The following ZBTB8B variants were observed in gnomAD, a reference collection of about 807,000 sequenced individuals.
ZBTB8B encodes zinc finger and BTB domain containing 8B.
A neutral mutation model predicts 30.3 loss-of-function variants in ZBTB8B; 17 were observed. The observed-to-expected ratio is 0.56, with a 90% CI of 0.38 to 0.84. The LOEUF (loss-of-function observed/expected upper bound fraction) is 0.84, where lower values mean the gene tolerates loss of function less well. Ranked by LOEUF, ZBTB8B falls within the 40% of genes least tolerant of loss-of-function variation. The probability of loss-of-function intolerance (pLI) is 0.00; values close to 1 mark genes in which losing one functional copy is unlikely to be tolerated. For missense variants in ZBTB8B, 515 were observed against 644.9 expected, an observed-to-expected ratio of 0.80 and a Z score of 2.18; for synonymous variants, 248 against 255.6, an observed-to-expected ratio of 0.97 and a Z score of 0.28.
rs1055684266 is a variant in ZBTB8B at position 32,487,976 on chromosome 1, G to A, written c.*2558G>A. 3.3e-5 allele frequency: 5 copies of A among 152,110 alleles called. No homozygotes were observed. The highest frequency in any genetic ancestry group is 5.9e-5 in the Non-Finnish European group (4 of 68,030). The allele number at this position is 152,110 out of a possible 1,614,324, so 9.4% of individuals were successfully genotyped here. A position where few individuals can be genotyped will look rare whatever the true frequency, so the allele number is the denominator to read the frequency against. Reference sequence around the variant, plus strand: ...GCTGTGGCCAGGCGCAGTGGCTCACGCCTGTAATCCCAACACTTTGGGAGG... The same window carrying A: ...GCTGTGGCCAGGCGCAGTGGCTCACACCTGTAATCCCAACACTTTGGGAGG... On this transcript the variant is annotated 3_prime_UTR_variant, in exon 4 of 4. Coordinates refer to ENST00000609129, the MANE Select transcript of ZBTB8B (RefSeq NM_001145720.2).
chr1:32,471,179 C>G lies in ZBTB8B; in HGVS notation c.555C>G (p.Ser185Arg), dbSNP rs976866374. Reference protein sequence around the residue: ...LVSSPAEGEKSVECLRESPCG... With the variant: ...LVSSPAEGEKRVECLRESPCG... The stretch of plus-strand genomic sequence containing the variant: ...CCTCTCCAGCCGAGGGAGAAAAGAG[C>G]GTGGAGTGCCTGAGAGAGTCCCCTT... Residue 185 changes from serine (S) to arginine (R), a missense_variant, in exon 2 of 4, where the codon AGC (serine) becomes AGG (arginine). Around this residue, in one of 3 missense-constraint regions of ZBTB8B, gnomAD observed 429 missense variants for 504.3 expected, o/e 0.85. Coordinates refer to ENST00000609129, the MANE Select transcript of ZBTB8B (RefSeq NM_001145720.2). The G allele has an allele frequency of 6.4e-7, 1 of 1,551,744 alleles. No homozygotes were observed. The highest frequency in any genetic ancestry group is 1.4e-5 in the African/African-American group (1 of 73,044).
chr1:32,492,557 A>G lies in ZBTB8B; in HGVS notation c.*7139A>G, dbSNP rs1643786709. 6.6e-6 allele frequency: 1 copy of G among 151,818 alleles called. No individual in the cohort carries two copies. The highest frequency in any genetic ancestry group is 1.5e-5 in the Non-Finnish European group (1 of 68,080). 9.4% of individuals were successfully genotyped at this position (151,818 alleles called of 1,614,324 possible). On this transcript the variant is annotated 3_prime_UTR_variant, in exon 4 of 4. Transcript: ENST00000609129. ...TCAGGCAATCCGCCTCTGCCTCCCA[A>G]AGTGCTGGGATTACAGGCGTGAGTC...
At chr1:32,475,608 A>C (rs1427772942) in intron 2 of ZBTB8B, among the ~76,000 whole-genome samples, 1 of 152,008 alleles carries the variant, frequency 6.6e-6, no homozygotes, top group Non-Finnish European at 1.5e-5. Context: ...AACAAAAGAC[A>C]CAAATGTAAA....
At chr1:32,477,052 A>G (rs961105155) in intron 2 of ZBTB8B, among the ~76,000 whole-genome samples, 10 of 152,244 alleles carry the variant, frequency 6.6e-5, no homozygotes, top group Admixed American at 3.9e-4. Flanking sequence ...ATTTACCTCT[A>G]TGCCTAAGTA....
At position 32,465,821 on chromosome 1, in the gene ZBTB8B, C is replaced by T. The variant is rs1363648228; in HGVS notation, c.-42+716C>T. On this transcript the variant is annotated intron_variant, in intron 1 of 3. Transcript: ENST00000609129. This position sits in a 1 kb window ranked among gnomAD's most constrained non-coding sequence, Gnocchi z 4.1. ...TATCTGCATCTTTGAATCTCAGTTC[C>T]TCCTCTGAAAAAGAGGATGTAGTTA... is the stretch of plus-strand genomic sequence containing the variant. 1.3e-5 allele frequency among the ~76,000 whole-genome samples: 2 copies of T among 152,064 alleles called. No homozygotes were observed. The highest frequency in any genetic ancestry group is 4.8e-5 in the African/African-American group (2 of 41,394).
At chr1:32,477,757 G>A (rs1423573027) in intron 2 of ZBTB8B, among the ~76,000 whole-genome samples, 2 of 151,346 alleles carry the variant, frequency 1.3e-5, no homozygotes, top group African/African-American at 4.9e-5. Flanking sequence ...AAAAAAAATT[G>A]TTAAATTAGC....
intron 2 of ZBTB8B, among the ~76,000 whole-genome samples, chr1:32,477,815 G>A (rs2148183805): frequency 6.6e-6 from 1 of 152,144 alleles, no homozygotes; most frequent in East Asian, 1.9e-4. Context: ...CCAGCACTGT[G>A]GGAGGCCCAG....
intron 2 of ZBTB8B, 25 bp downstream of exon 2, chr1:32,471,640 C>G: frequency 6.5e-7 from 1 of 1,535,046 alleles, no homozygotes; most frequent in Non-Finnish European, 8.8e-7. Flanking sequence ...CATTCATCAG[C>G]CCTGCCAGTG....
rs1399412651 is a variant in ZBTB8B, at chr1:32,489,219, A to G, written c.*3801A>G. On this transcript the variant is annotated 3_prime_UTR_variant, in exon 4 of 4. Coordinates refer to ENST00000609129, the MANE Select transcript of ZBTB8B (RefSeq NM_001145720.2). ...GCCCAAGATCTGATTTAGGTTTATA[A>G]TGTGGAAACTTAGAAAATTCTGACT... 1 of 152,234 alleles carries G rather than the reference A, an allele frequency of 6.6e-6. No homozygotes were observed. The highest frequency in any genetic ancestry group is 2.4e-5 in the African/African-American group (1 of 41,462). The allele number at this position is 152,234 out of a possible 1,614,324, so 9.4% of individuals were successfully genotyped here. A position where few individuals can be genotyped will look rare whatever the true frequency, so the allele number is the denominator to read the frequency against.
In ZBTB8B at chr1:32,470,514, A is replaced by AAAAG. The variant is rs1643608141; in HGVS notation, c.-41-67_-41-66insGAAA. On this transcript the variant is annotated intron_variant, in intron 1 of 3. Transcript: ENST00000609129. ...GACGCTGACTCAAAAAAAAAAAAAA[A>AAAAG]AAAAAAAAAAAAGAAATCTTGTTTG... is the stretch of plus-strand genomic sequence containing the variant. 1.5e-5 allele frequency: 16 copies of AAAAG among 1,100,400 alleles called. No homozygotes were observed. In the East Asian group the frequency reaches 4.3e-4, roughly 30 times the overall value. 68.2% of individuals were successfully genotyped at this position (1,100,400 alleles called of 1,614,324 possible).
At chr1:32,479,734 G>A (rs1338755155) in intron 2 of ZBTB8B, among the ~76,000 whole-genome samples, 1 of 152,102 alleles carries the variant, frequency 6.6e-6, no homozygotes, top group Admixed American at 6.6e-5. Flanking sequence ...AATTCCCAGT[G>A]GGTACCAAGG....
rs41311213 is a variant in ZBTB8B at position 32,485,506 on chromosome 1, C to T, written c.*88C>T. On this transcript the variant is annotated 3_prime_UTR_variant, in exon 4 of 4. Coordinates refer to ENST00000609129, the MANE Select transcript of ZBTB8B (RefSeq NM_001145720.2). ...ATACCATTTGTCCAATTTTGTGGAA[C>T]CCTGAGAGGAACATTTTTTCACTGT... The T allele has an allele frequency of 1.3e-4, 169 of 1,300,912 alleles. No individual in the cohort carries two copies. Among genetic ancestry groups the T allele is most frequent in the Middle Eastern group, 6.2e-4 (3 of 4,850 alleles). 80.6% of individuals were successfully genotyped at this position (1,300,912 alleles called of 1,614,324 possible). A position where few individuals can be genotyped will look rare whatever the true frequency, so the allele number is the denominator to read the frequency against.
chr1:32,485,232 T>C lies in ZBTB8B; in HGVS notation c.1302T>C (p.Asp434=). 6.4e-7 allele frequency: 1 copy of C among 1,552,018 alleles called. No homozygotes were observed. The highest frequency in any genetic ancestry group is 2.0e-5 in the Admixed American group (1 of 50,992). ...GCGTTACAGACACACCCGATGATGA[T>C]GATGATTTGATGCCCATCAACCTTA... The part of the protein sequence containing the change: ...CTCVTDTPDD[D]DDLMPINLSL... The change falls in exon 4 of 4, where the codon GAT becomes GAC. Residue 434 remains aspartate, a synonymous_variant. Transcript: ENST00000609129.
rs1557680845 is a variant in ZBTB8B at position 32,471,037 on chromosome 1, TGGCGGCGGCAGC to T, written c.423_434del (p.Ala150_Ala153del). The stretch of plus-strand genomic sequence containing the variant: ...AAGGAGGCTGCTGTGGCTGCAGCAG[TGGCGGCGGCAGC>T]GGCGGCGGCTGCAGCGGCGGCAGCA... On this transcript the variant is annotated inframe_deletion, in exon 2 of 4. Transcript: ENST00000609129. The T allele has an allele frequency of 6.5e-7, 1 of 1,549,618 alleles. No individual in the cohort carries two copies. Among genetic ancestry groups the T allele is most frequent in the Non-Finnish European group, 8.7e-7 (1 of 1,145,624 alleles).
At position 32,493,154 on chromosome 1, in the gene ZBTB8B, T is replaced by C. The variant is rs1293549598; in HGVS notation, c.*7736T>C. On this transcript the variant is annotated 3_prime_UTR_variant, in exon 4 of 4. Transcript: ENST00000609129. ...GAAATATGCATCAGGTTTGTTTTTT[T>C]TGTTTTTTTGACAGACTCTCACTCT... The C allele has an allele frequency of 6.6e-6, 1 of 152,186 alleles. No homozygotes were observed. Among genetic ancestry groups the C allele is most frequent in the East Asian group, 1.9e-4 (1 of 5,174 alleles). The allele number at this position is 152,186 out of a possible 1,614,324, so 9.4% of individuals were successfully genotyped here.
intron 3 of ZBTB8B, among the ~76,000 whole-genome samples, chr1:32,483,242 TCCAAAAAAAAAAA>T (rs1250351308): frequency 0.028 from 933 of 33,106 alleles, 23 homozygotes; most frequent in Middle Eastern, 0.1. Flanking sequence ...CTACTAAAAA[TCCAAAAAAAAAAA>T]AAAAAAAAAA....
Position 32,485,272 on chromosome 1 carries a change from T to C in ZBTB8B, c.1342T>C (p.Ser448Pro). The C allele has an allele frequency of 6.4e-7, 1 of 1,552,138 alleles. No homozygotes were observed. The highest frequency in any genetic ancestry group is 8.7e-7 in the Non-Finnish European group (1 of 1,147,092). ...MPINLSLVEA[S>P]SESQEKSDTD... is the part of the protein sequence containing the mutation. ...CATCAACCTTAGCTTGGTGGAGGCT[T>C]CATCTGAAAGCCAAGAAAAGAGCGA... The change falls in exon 4 of 4, where the codon TCA becomes CCA. Residue 448 changes from serine (S) to proline (P), a missense_variant. Ser to Pro is a moderately conservative substitution (Grantham distance 74). Coordinates refer to ENST00000609129, the MANE Select transcript of ZBTB8B (RefSeq NM_001145720.2).
chr1:32,483,085 T>C (rs1234139739), intron 3 of ZBTB8B, among the ~76,000 whole-genome samples: 1 of 150,918 alleles, frequency 6.6e-6, no homozygotes, highest in Non-Finnish European at 1.5e-5. Flanking sequence ...CTGAAAAGTG[T>C]ACACATTAAA....
chr1:32,483,444 C>A lies in ZBTB8B; in HGVS notation c.1171-1657C>A, dbSNP rs77530753. ...CGTCTCAAAAAAAACAAAACAAAAACAACAACAAAAAAACATAGTTCCCAA... is the reference window on the plus strand; with the variant it reads ...CGTCTCAAAAAAAACAAAACAAAAAAAACAACAAAAAAACATAGTTCCCAA... On this transcript the variant is annotated intron_variant, in intron 3 of 3. Transcript: ENST00000609129. 2.4e-3 allele frequency among the ~76,000 whole-genome samples: 370 copies of A among 151,044 alleles called. 8 individuals are homozygous for A. The East Asian group carries it at 0.068, about 28-fold the overall frequency.
Sources: gnomAD v4.1 joint callset for allele counts (sites outside exome capture counted in the v4.1 genomes callset) on GRCh38, gnomAD v4.1.1 for gene constraint, gnomAD v4.1.1 regional missense constraint, Gnocchi (gnomAD v3.1) non-coding constraint, MANE v1.5 for transcripts, NCBI Gene and HGNC (gene_info 2026-07-23, HGNC 2026-07-21) for gene names.